SYNGR1: variants seen among roughly 807,000 people sequenced by gnomAD.
SYNGR1 encodes the protein synaptogyrin-1.
In SYNGR1, 14 loss-of-function variants were observed where a neutral mutation model predicts 26.1. That is an observed-to-expected ratio of 0.54 (90% confidence interval 0.35 to 0.84). The LOEUF (loss-of-function observed/expected upper bound fraction) is 0.84. Among genes scored for constraint, SYNGR1 ranks in the 40% least tolerant of loss-of-function variants. The probability of loss-of-function intolerance (pLI) is 0.01; values close to 1 mark genes in which losing one functional copy is unlikely to be tolerated. For missense variants in SYNGR1, 319 were observed against 332.9 expected, an observed-to-expected ratio of 0.96 and a Z score of 0.33; for synonymous variants, 141 against 150.1, an observed-to-expected ratio of 0.94 and a Z score of 0.44.
At chr22:39,362,494 G>A (rs932074953) in intron 1 of SYNGR1, among the ~76,000 whole-genome samples, 1 of 152,046 alleles carries the variant, frequency 6.6e-6, no homozygotes, top group African/African-American at 2.4e-5. Context: ...AGGAAGACAA[G>A]GGGCTGCCCA....
At chr22:39,374,664 C>T (rs868255177) in intron 2 of SYNGR1, 111 bp downstream of exon 2, 1 of 1,195,306 alleles carries the variant, frequency 8.4e-7, no homozygotes, top group Middle Eastern at 1.9e-4. Flanking sequence ...AAATGAGGTG[C>T]AGGCGGGTGA....
chr22:39,365,706 T>C (rs539378359), intron 1 of SYNGR1, among the ~76,000 whole-genome samples: 1 of 152,296 alleles, frequency 6.6e-6, no homozygotes. Flanking sequence ...TTCCCTTCCC[T>C]GAGCCTCAGT....
intron 3 of SYNGR1, chr22:39,378,092 T>C: frequency 8.5e-7 from 1 of 1,180,448 alleles, no homozygotes; most frequent in African/African-American, 1.6e-5. Flanking sequence ...ATTGCTGAGC[T>C]GTGGGTGCAG....
chr22:39,363,496 G>A (rs1291407451), intron 1 of SYNGR1, among the ~76,000 whole-genome samples: 1 of 152,012 alleles, frequency 6.6e-6, no homozygotes, highest in East Asian at 1.9e-4. Context: ...GGTCGAGTAT[G>A]AACCCAGGAC....
intron 3 of SYNGR1, chr22:39,377,144 A>G: frequency 6.7e-7 from 1 of 1,493,498 alleles, no homozygotes; most frequent in Non-Finnish European, 8.9e-7. Context: ...GAGGCTACAT[A>G]CAGGCCGCCA....
chr22:39,376,144 A>G lies in SYNGR1; in HGVS notation c.430A>G (p.Thr144Ala). ...CAAGGACAACCCACTGAACGAAGGG[A>G]CGGACGCAGCCCGGGCCGCCATCGC... ...KPKDNPLNEGTDAARAAIAFS... is the reference protein window; with the variant it reads ...KPKDNPLNEGADAARAAIAFS... The change falls in exon 3 of 4, where the codon ACG becomes GCG. Residue 144 changes from threonine (T) to alanine (A), a missense_variant. Transcript: ENST00000328933. 2 of 1,614,114 alleles carry G rather than the reference A, an allele frequency of 1.2e-6. No individual in the cohort carries two copies. Among genetic ancestry groups the G allele is most frequent in the Non-Finnish European group, 1.7e-6 (2 of 1,180,030 alleles).
chr22:39,378,024 A>T, intron 3 of SYNGR1: 1 of 1,199,370 alleles, frequency 8.3e-7, no homozygotes, highest in Non-Finnish European at 1.1e-6. Flanking sequence ...AGCCGTGGAC[A>T]GTTACCAGGT....
At chr22:39,375,746 T>C in intron 2 of SYNGR1, 1 of 600,044 alleles carries the variant, frequency 1.7e-6, no homozygotes. Flanking sequence ...GATTACCTTC[T>C]TTCTCTGTCT....
At chr22:39,360,021 C>G (rs1307516326) in intron 1 of SYNGR1, among the ~76,000 whole-genome samples, 1 of 152,216 alleles carries the variant, frequency 6.6e-6, no homozygotes, top group African/African-American at 2.4e-5. Context: ...TCCGCACCTC[C>G]CAGTGGCCAC....
chr22:39,373,193 G>T (rs1030118946), intron 1 of SYNGR1, among the ~76,000 whole-genome samples: 2 of 150,696 alleles, frequency 1.3e-5, no homozygotes, highest in African/African-American at 2.5e-5. Context: ...TTTTTTGAGA[G>T]TGTCTTGCTC....
intron 3 of SYNGR1, chr22:39,376,992 C>G: frequency 6.4e-7 from 1 of 1,550,724 alleles, no homozygotes; most frequent in Non-Finnish European, 8.7e-7. Flanking sequence ...TCTGTTTCTT[C>G]TCTCCTAATC....
In SYNGR1 at chr22:39,382,057, G is replaced by A. The variant is rs1486498679; in HGVS notation, c.*143G>A. 7 of 869,616 alleles carry A rather than the reference G, an allele frequency of 8.0e-6. No individual in the cohort carries two copies. Among genetic ancestry groups the A allele is most frequent in the South Asian group, 3.0e-5 (2 of 65,686 alleles). 53.9% of individuals were successfully genotyped at this position (869,616 alleles called of 1,614,324 possible). A position where few individuals can be genotyped will look rare whatever the true frequency, so the allele number is the denominator to read the frequency against. Reference sequence around the variant, plus strand: ...GAGGTCCAGGGTAGCTCGGGGCAGGGGTGGGGCAGTCCAGTGTTGGGGACT... The same window carrying A: ...GAGGTCCAGGGTAGCTCGGGGCAGGAGTGGGGCAGTCCAGTGTTGGGGACT... On this transcript the variant is annotated 3_prime_UTR_variant, in exon 4 of 4. Coordinates refer to ENST00000328933, the MANE Select transcript of SYNGR1 (RefSeq NM_004711.5).
chr22:39,363,146 A>G (rs915237085), intron 1 of SYNGR1, among the ~76,000 whole-genome samples: 4 of 152,044 alleles, frequency 2.6e-5, no homozygotes, highest in African/African-American at 9.7e-5. Context: ...GAATGCCCTG[A>G]GGCAGGGATG....
intron 3 of SYNGR1, among the ~76,000 whole-genome samples, chr22:39,380,180 C>T (rs903657955): frequency 5.9e-5 from 7 of 118,990 alleles, no homozygotes; most frequent in East Asian, 2.8e-4. Context: ...AAAAAAAAAA[C>T]GGGGCGGCTT....
chr22:39,377,256 C>G (rs1442336944), intron 3 of SYNGR1: 2 of 985,278 alleles, frequency 2.0e-6, no homozygotes, highest in Non-Finnish European at 2.4e-6. Flanking sequence ...ACCCATCTCC[C>G]CAACAATATT....
chr22:39,375,873 C>T, intron 2 of SYNGR1, 179 bp from the exon 3 acceptor site: 1 of 829,606 alleles, frequency 1.2e-6, no homozygotes, highest in Non-Finnish European at 2.1e-6. Context: ...TCGCCTGCAT[C>T]TTCTCTTGGC....
intron 1 of SYNGR1, among the ~76,000 whole-genome samples, chr22:39,358,946 C>T (rs1242151035): frequency 2.0e-5 from 3 of 152,232 alleles, no homozygotes; most frequent in African/African-American, 4.8e-5. Context: ...GGGGCGGCTG[C>T]GTAGCTGGGA....
At chr22:39,367,409 G>A (rs1982559460) in intron 1 of SYNGR1, among the ~76,000 whole-genome samples, 1 of 152,218 alleles carries the variant, frequency 6.6e-6, no homozygotes, top group Non-Finnish European at 1.5e-5. Context: ...GGAAAACATG[G>A]AAAGGGGCCT....
At chr22:39,362,017 T>G (rs1924498628) in intron 1 of SYNGR1, among the ~76,000 whole-genome samples, 1 of 144,678 alleles carries the variant, frequency 6.9e-6, no homozygotes, top group Admixed American at 6.8e-5. Context: ...TTTCTCTCCT[T>G]TTTTTTTTTT....
Sources: gnomAD v4.1 joint callset for allele counts (sites outside exome capture counted in the v4.1 genomes callset) on GRCh38, gnomAD v4.1.1 for gene constraint, MANE v1.5 for transcripts, NCBI Gene and HGNC (gene_info 2026-07-23, HGNC 2026-07-21) for gene names.